The following PPM1E variants were observed in gnomAD, a reference collection of about 807,000 sequenced individuals.
PPM1E encodes the protein protein phosphatase 1E.
In PPM1E, 20 loss-of-function variants were observed where a neutral mutation model predicts 65.9. That is an observed-to-expected ratio of 0.30 (90% CI 0.21 to 0.44). The LOEUF is 0.44. Ranked by LOEUF, PPM1E falls within the 20% of genes least tolerant of loss-of-function variation. The pLI is 1.00. For synonymous variants in PPM1E, 352 were observed against 374.9 expected (o/e 0.94, Z 0.70); for missense variants, 713 against 953.1 (o/e 0.75, Z 3.32).
chr17:58,935,860 G>T (rs922568589), intron 1 of PPM1E, among the ~76,000 whole-genome samples: 3 of 151,708 alleles, frequency 2.0e-5, no homozygotes, highest in Non-Finnish European at 4.4e-5. Flanking sequence ...TAGGGTACAT[G>T]TGCACAATGT....
intron 1 of PPM1E, among the ~76,000 whole-genome samples, chr17:58,771,634 AAAAG>A (rs955748183): frequency 2.0e-5 from 3 of 151,986 alleles, no homozygotes; most frequent in African/African-American, 4.8e-5. Flanking sequence ...AAAAAAAAGA[AAAAG>A]AAGAAGATAA....
intron 6 of PPM1E, among the ~76,000 whole-genome samples, chr17:58,975,200 A>G (rs1460964501): frequency 6.6e-6 from 1 of 152,236 alleles, no homozygotes; most frequent in Non-Finnish European, 1.5e-5. Context: ...TAGGTTTACA[A>G]CTCAAACCAA....
intron 1 of PPM1E, among the ~76,000 whole-genome samples, chr17:58,890,208 G>A (rs147978409): frequency 1.3e-5 from 2 of 152,128 alleles, no homozygotes; most frequent in African/African-American, 2.4e-5. Flanking sequence ...AATATATATT[G>A]TTGATTCATT....
At chr17:58,946,840 TA>T (rs1221217250) in intron 1 of PPM1E, among the ~76,000 whole-genome samples, 2 of 151,984 alleles carry the variant, frequency 1.3e-5, no homozygotes, top group African/African-American at 4.8e-5. Context: ...TCCAATTTAA[TA>T]TTTTTTTTCT....
At chr17:58,927,854 T>G (rs2051843599) in intron 1 of PPM1E, among the ~76,000 whole-genome samples, 1 of 150,608 alleles carries the variant, frequency 6.6e-6, no homozygotes, top group Non-Finnish European at 1.5e-5. Context: ...AGGTCAGGAG[T>G]TCGAGACCAG....
At chr17:58,827,916 ATAATAAT>A (rs1567845917) in intron 1 of PPM1E, among the ~76,000 whole-genome samples, 2 of 145,996 alleles carry the variant, frequency 1.4e-5, no homozygotes, top group Non-Finnish European at 3.0e-5. Context: ...AAAAAAAATA[ATAATAAT>A]AATAATAATA....
intron 1 of PPM1E, among the ~76,000 whole-genome samples, chr17:58,905,740 A>G (rs1016082423): frequency 4.6e-5 from 7 of 152,252 alleles, no homozygotes; most frequent in African/African-American, 1.7e-4. Flanking sequence ...TAAGTTAGCC[A>G]CTGCACCCAG....
At chr17:58,834,579 A>C (rs191503357) in intron 1 of PPM1E, among the ~76,000 whole-genome samples, 2 of 152,104 alleles carry the variant, frequency 1.3e-5, no homozygotes, top group African/African-American at 4.8e-5. Context: ...ATAAATTGTG[A>C]GGTTTAGGTC....
intron 1 of PPM1E, among the ~76,000 whole-genome samples, chr17:58,792,706 T>C (rs1460223919): frequency 6.6e-6 from 1 of 150,398 alleles, no homozygotes; most frequent in Non-Finnish European, 1.5e-5. Flanking sequence ...TATAAATACT[T>C]GGAACAGTTA....
intron 1 of PPM1E, among the ~76,000 whole-genome samples, chr17:58,791,012 C>A (rs1017625029): frequency 2.0e-5 from 3 of 151,916 alleles, no homozygotes; most frequent in African/African-American, 7.3e-5. Flanking sequence ...GCCTCAGCCT[C>A]CGGAGTAACT....
chr17:58,931,599 A>C (rs1045701093), intron 1 of PPM1E, among the ~76,000 whole-genome samples: 18 of 152,290 alleles, frequency 1.2e-4, no homozygotes, highest in African/African-American at 4.1e-4. Context: ...TGATTCCAGA[A>C]AAAAAGAAAA....
intron 1 of PPM1E, among the ~76,000 whole-genome samples, chr17:58,849,608 C>A (rs551742041): frequency 1.1e-4 from 16 of 151,564 alleles, no homozygotes; most frequent in African/African-American, 3.7e-4. Flanking sequence ...ATCCTGAGTT[C>A]TAGTTTGATT....
At chr17:58,762,837 G>T (rs1450043198) in intron 1 of PPM1E, among the ~76,000 whole-genome samples, 6 of 149,888 alleles carry the variant, frequency 4.0e-5, no homozygotes, top group Non-Finnish European at 7.4e-5. Flanking sequence ...GGCGGAGCTT[G>T]CAGTGAGCCG....
At chr17:58,805,616 T>A (rs982402599) in intron 1 of PPM1E, among the ~76,000 whole-genome samples, 5 of 152,134 alleles carry the variant, frequency 3.3e-5, no homozygotes, top group Non-Finnish European at 7.4e-5. Context: ...ATTATATAGA[T>A]ACACAGATTC....
At chr17:58,805,980 A>AAAAAAAAAAAC (rs2050307581) in intron 1 of PPM1E, among the ~76,000 whole-genome samples, 1 of 107,964 alleles carries the variant, frequency 9.3e-6, no homozygotes, top group African/African-American at 4.2e-5. Flanking sequence ...AAAACAAAAA[A>AAAAAAAAAAAC]AAAACAAAAC....
Position 58,760,965 on chromosome 17 carries a change from G to T in PPM1E, c.464+4504G>T, listed in dbSNP as rs571229932. The stretch of plus-strand genomic sequence containing the variant: ...ATATGAAACTTCCATTGTTCTCAGG[G>T]AATATACCTTCCATACCCTCCCAGC... On this transcript the variant is annotated intron_variant, in intron 1 of 6. Transcript: ENST00000308249. Among the ~76,000 whole-genome samples the T allele has an allele frequency of 4.4e-3, 673 of 152,294 alleles. 3 individuals are homozygous for T. The highest frequency in any genetic ancestry group is 0.015 in the African/African-American group (625 of 41,552).
intron 2 of PPM1E, among the ~76,000 whole-genome samples, chr17:58,961,234 T>G (rs1276153233): frequency 6.6e-6 from 1 of 152,244 alleles, no homozygotes; most frequent in Admixed American, 6.5e-5. Context: ...CATATAAATG[T>G]TTAATATTTT....
chr17:58,945,111 G>GA (rs892401975), intron 1 of PPM1E, among the ~76,000 whole-genome samples: 3 of 149,994 alleles, frequency 2.0e-5, no homozygotes, highest in East Asian at 1.9e-4. Context: ...AAAAGGGGAA[G>GA]AAAAAAACCT....
intron 1 of PPM1E, among the ~76,000 whole-genome samples, chr17:58,820,823 T>C (rs552580368): frequency 1.4e-3 from 207 of 152,008 alleles, no homozygotes; most frequent in Non-Finnish European, 2.6e-3. Context: ...CTTGTGGGAG[T>C]GAGTCATAAT....
Sources: allele counts gnomAD v4.1 joint callset (sites outside exome capture counted in the v4.1 genomes callset), GRCh38; gene constraint gnomAD v4.1.1; transcripts MANE v1.5; gene names NCBI Gene and HGNC (gene_info 2026-07-23, HGNC 2026-07-21).